The following HDX variants were observed in gnomAD, a reference collection of about 807,000 sequenced individuals.
The protein encoded by HDX is chromosome X open reading frame 43.
A neutral mutation model predicts 45.2 loss-of-function variants in HDX; 19 were observed. The ratio of observed to expected loss-of-function variants is 0.42; its 90% CI spans 0.29 to 0.62. The LOEUF (loss-of-function observed/expected upper bound fraction) is 0.62. HDX is among the 20% of genes least tolerant of loss of function. The probability of loss-of-function intolerance (pLI) is 0.20; values close to 1 mark genes in which losing one functional copy is unlikely to be tolerated. For synonymous variants in HDX, 188 were observed against 172.8 expected (o/e 1.09, Z -0.69); for missense variants, 532 against 493.9 (o/e 1.08, Z -0.73).
chrX:84,436,581 C>T (rs748422929), intron 5 of HDX, among the ~76,000 whole-genome samples: 2 of 111,570 alleles, frequency 1.8e-5, no homozygotes, highest in Admixed American at 1.9e-4. Flanking sequence ...TCTCCTTTCA[C>T]CCGTTAGTCA....
At position 84,378,217 on chromosome X, in the gene HDX, T is replaced by A. The variant is rs190215235; in HGVS notation, c.1306-16605A>T. ...TTCCCAGATGAACAAAATCTGAGGG[T>A]TTCATTAACGCGAGACCTGTTCTGT... is the stretch of plus-strand genomic sequence containing the variant. On this transcript the variant is annotated intron_variant, in intron 5 of 10. Coordinates refer to ENST00000373177, the MANE Select transcript of HDX (RefSeq NM_001177479.2). 4.5e-5 allele frequency among the ~76,000 whole-genome samples: 5 copies of A among 111,115 alleles called. No individual in the cohort carries two copies. In the East Asian group the frequency reaches 1.4e-3, roughly 32 times the overall value.
At chrX:84,407,394 T>G (rs764682494) in intron 5 of HDX, among the ~76,000 whole-genome samples, 33 of 111,675 alleles carry the variant, frequency 3.0e-4, no homozygotes, top group African/African-American at 1.0e-3. Flanking sequence ...ATTATCTTGT[T>G]CTTTTTTATA....
intron 2 of HDX, among the ~76,000 whole-genome samples, chrX:84,487,416 A>G (rs2040816891): frequency 8.9e-6 from 1 of 112,149 alleles, no homozygotes; most frequent in Non-Finnish European, 1.9e-5. Flanking sequence ...TTGATTTGGC[A>G]GAACACAGTT....
intron 5 of HDX, among the ~76,000 whole-genome samples, chrX:84,400,466 G>T (rs1192570520): frequency 2.8e-5 from 3 of 108,731 alleles, no homozygotes; most frequent in African/African-American, 1.0e-4. Flanking sequence ...GCTAAAAAAA[G>T]AATAAAATAC....
chrX:84,410,679 T>C (rs1481309496), intron 5 of HDX, among the ~76,000 whole-genome samples: 1 of 111,716 alleles, frequency 9.0e-6, no homozygotes, highest in Non-Finnish European at 1.9e-5. Flanking sequence ...ACTAGCTACA[T>C]AGAATTAGTT....
At chrX:84,369,981 A>G (rs1422357080) in intron 5 of HDX, among the ~76,000 whole-genome samples, 1 of 112,157 alleles carries the variant, frequency 8.9e-6, no homozygotes, top group Non-Finnish European at 1.9e-5. Flanking sequence ...ATTTGGTCAA[A>G]CATTATTCTG....
chrX:84,450,932 A>T (rs192989109), intron 4 of HDX, among the ~76,000 whole-genome samples: 98 of 112,010 alleles, frequency 8.7e-4, no homozygotes, highest in African/African-American at 3.0e-3. Context: ...ATTAAACAAC[A>T]TGCTTCTGAA....
At chrX:84,398,813 G>A (rs1381649382) in intron 5 of HDX, among the ~76,000 whole-genome samples, 1 of 111,568 alleles carries the variant, frequency 9.0e-6, no homozygotes, top group African/African-American at 3.3e-5. Flanking sequence ...TCACGTAATT[G>A]GAAGTAAAAC....
intron 9 of HDX, among the ~76,000 whole-genome samples, chrX:84,333,130 T>C (rs73625976): frequency 1.8e-5 from 2 of 111,721 alleles, no homozygotes; most frequent in Non-Finnish European, 3.8e-5. Flanking sequence ...GATAGGATAA[T>C]GATTATCAAA....
chrX:84,424,646 A>C (rs777507582), intron 5 of HDX, among the ~76,000 whole-genome samples: 1 of 111,272 alleles, frequency 9.0e-6, no homozygotes, highest in African/African-American at 3.3e-5. Context: ...GAGAACTCAG[A>C]TCCAAATCAA....
chrX:84,396,691 A>T (rs1455696799), intron 5 of HDX, among the ~76,000 whole-genome samples: 1 of 111,860 alleles, frequency 8.9e-6, no homozygotes, highest in East Asian at 2.8e-4. Flanking sequence ...TGGGAAGGCC[A>T]GTCTCCAGGT....
In HDX at chrX:84,498,821, GCACACACACACACACACACACA is replaced by G. The variant is rs202067754; in HGVS notation, c.-110+3499_-110+3520del. Among the ~76,000 whole-genome samples, 19 of 94,680 alleles carry G rather than the reference GCACACACACACACACACACACA, an allele frequency of 2.0e-4. No individual in the cohort carries two copies. The Admixed American group carries it at 2.2e-3, about 11-fold the overall frequency. The allele number at this position is 94,680 out of a possible 115,157, so 82.2% of individuals were successfully genotyped here. On this transcript the variant is annotated intron_variant, in intron 1 of 10. Coordinates refer to ENST00000373177, the MANE Select transcript of HDX (RefSeq NM_001177479.2). ...GTAATATGGTGTTTATGGAATGTATGCACACACACACACACACACACACACACACACACACACACACACATCT... is the reference window on the plus strand; with the variant it reads ...GTAATATGGTGTTTATGGAATGTATGCACACACACACACACACACACATCT...
intron 5 of HDX, among the ~76,000 whole-genome samples, chrX:84,363,131 T>C (rs1376674721): frequency 2.7e-5 from 3 of 111,924 alleles, no homozygotes; most frequent in Non-Finnish European, 5.6e-5. Flanking sequence ...TAAGTACTAA[T>C]ACTAAATTAC....
chrX:84,490,862 C>T (rs1656435215), intron 1 of HDX, among the ~76,000 whole-genome samples: 1 of 109,728 alleles, frequency 9.1e-6, no homozygotes. Context: ...AGAATGTTGC[C>T]CCATTGTTTT....
At chrX:84,345,807 T>C (rs1039661000) in intron 6 of HDX, among the ~76,000 whole-genome samples, 2 of 111,576 alleles carry the variant, frequency 1.8e-5, no homozygotes, top group Non-Finnish European at 3.8e-5. Flanking sequence ...ATTGTCAGTA[T>C]TTTCTAAAAA....
chrX:84,496,573 A>T (rs780853319), intron 1 of HDX, among the ~76,000 whole-genome samples: 9 of 110,997 alleles, frequency 8.1e-5, no homozygotes, highest in Non-Finnish European at 1.3e-4. Context: ...ACAATACTGA[A>T]TTCAAAATGT....
chrX:84,384,533 C>A (rs1290312294), intron 5 of HDX, among the ~76,000 whole-genome samples: 1 of 78,282 alleles, frequency 1.3e-5, no homozygotes, highest in Non-Finnish European at 2.6e-5. Context: ...TTAATTAGGT[C>A]CCACTTGTCA....
intron 1 of HDX, among the ~76,000 whole-genome samples, chrX:84,493,454 T>G (rs12852658): frequency 8.9e-6 from 1 of 112,175 alleles, no homozygotes; most frequent in Non-Finnish European, 1.9e-5. Flanking sequence ...TATTCAGTTT[T>G]GCCAGCTACA....
intron 5 of HDX, among the ~76,000 whole-genome samples, chrX:84,392,992 T>C (rs1373549459): frequency 9.0e-6 from 1 of 110,839 alleles, no homozygotes; most frequent in Non-Finnish European, 1.9e-5. Context: ...TTTATTTCTC[T>C]TGCCTGATTG....
Sources: gnomAD v4.1 joint callset for allele counts (sites outside exome capture counted in the v4.1 genomes callset) on GRCh38, gnomAD v4.1.1 for gene constraint, MANE v1.5 for transcripts, NCBI Gene and HGNC (gene_info 2026-07-23, HGNC 2026-07-21) for gene names.